The following FAF1 variants were observed in gnomAD, a reference collection of about 807,000 sequenced individuals.
The protein encoded by FAF1 is Fas associated factor 1, also known as FAS-associated factor 1.
In FAF1, 25 loss-of-function variants were observed where a neutral mutation model predicts 92.5. That is an observed-to-expected ratio of 0.27 (90% CI 0.20 to 0.38). The LOEUF is 0.38. Among genes scored for constraint, FAF1 ranks in the 10% least tolerant of loss-of-function variants. The pLI is 1.00. For missense variants in FAF1, 636 were observed against 793.3 expected, an observed-to-expected ratio of 0.80 and a Z score of 2.38; for synonymous variants, 234 against 273.2, an observed-to-expected ratio of 0.86 and a Z score of 1.42.
intron 4 of FAF1, among the ~76,000 whole-genome samples, chr1:50,747,645 G>A (rs892820009): frequency 6.6e-6 from 1 of 152,198 alleles, no homozygotes; most frequent in Non-Finnish European, 1.5e-5. Context: ...GAGAAGGGAT[G>A]ATTGTATTTT....
intron 1 of FAF1, among the ~76,000 whole-genome samples, chr1:50,949,581 G>A (rs765351369): frequency 7.2e-5 from 11 of 152,158 alleles, no homozygotes; most frequent in Non-Finnish European, 1.2e-4. Context: ...GGCTTTGCAG[G>A]ACATGCAGTC....
At chr1:50,709,188 T>C (rs1657813887) in intron 6 of FAF1, among the ~76,000 whole-genome samples, 1 of 152,168 alleles carries the variant, frequency 6.6e-6, no homozygotes. Flanking sequence ...ATTGTTCTCA[T>C]CCTCCTTTCC....
chr1:50,514,908 C>T (rs138936490), intron 15 of FAF1, among the ~76,000 whole-genome samples: 1 of 152,278 alleles, frequency 6.6e-6, no homozygotes, highest in Non-Finnish European at 1.5e-5. Flanking sequence ...AGGATGGAGC[C>T]TGTACATTTT....
intron 6 of FAF1, among the ~76,000 whole-genome samples, chr1:50,726,735 A>G (rs1351253868): frequency 1.3e-5 from 2 of 152,174 alleles, no homozygotes; most frequent in Admixed American, 6.5e-5. Context: ...AGGCTAAGGC[A>G]GGAGAATGGC....
At chr1:50,819,730 C>CGTATATATATACGTATATATATATACGT (rs1440286626) in intron 2 of FAF1, among the ~76,000 whole-genome samples, 1 of 35,886 alleles carries the variant, frequency 2.8e-5, no homozygotes, top group Non-Finnish European at 4.7e-5. Flanking sequence ...TATATATATA[C>CGTATATATATACGTATATATATATACGT]ATATATATAC....
intron 18 of FAF1, among the ~76,000 whole-genome samples, chr1:50,460,183 A>G (rs1646408133): frequency 6.6e-6 from 1 of 152,326 alleles, no homozygotes; most frequent in Admixed American, 6.5e-5. Context: ...CTGACCTCAT[A>G]GCCTAAATTC....
At chr1:50,729,058 A>ATATTTTTTT (rs1375923156) in intron 6 of FAF1, among the ~76,000 whole-genome samples, 2 of 70,120 alleles carry the variant, frequency 2.9e-5, no homozygotes, top group African/African-American at 1.2e-4. Context: ...ATATATATAT[A>ATATTTTTTT]TTTTTTTTTT....
intron 14 of FAF1, among the ~76,000 whole-genome samples, chr1:50,539,230 A>C (rs1648642768): frequency 6.6e-6 from 1 of 152,210 alleles, no homozygotes; most frequent in South Asian, 2.1e-4. Flanking sequence ...TAGATAACTA[A>C]AGATAAGTAC....
chr1:50,494,609 AG>A (rs1646877546), intron 15 of FAF1, among the ~76,000 whole-genome samples: 1 of 152,212 alleles, frequency 6.6e-6, no homozygotes, highest in South Asian at 2.1e-4. Flanking sequence ...TAGCCCCAGT[AG>A]GCAGCTTTCT....
chr1:50,879,405 T>G (rs1442488680), intron 1 of FAF1, among the ~76,000 whole-genome samples: 1 of 152,116 alleles, frequency 6.6e-6, no homozygotes, highest in Non-Finnish European at 1.5e-5. Context: ...TTCCCTATAC[T>G]CAGAAATTCA....
At chr1:50,704,540 G>A (rs993563057) in intron 7 of FAF1, among the ~76,000 whole-genome samples, 1 of 151,988 alleles carries the variant, frequency 6.6e-6, no homozygotes, top group Non-Finnish European at 1.5e-5. Flanking sequence ...ACTCGGAGAT[G>A]GAGCCACGGC....
At chr1:50,789,061 G>A (rs886682062) in intron 3 of FAF1, among the ~76,000 whole-genome samples, 3 of 151,946 alleles carry the variant, frequency 2.0e-5, no homozygotes, top group Non-Finnish European at 4.4e-5. Context: ...TCTTCAACTC[G>A]TGGCCTCAAG....
intron 1 of FAF1, among the ~76,000 whole-genome samples, chr1:50,900,605 G>GA (rs1458742161): frequency 1.3e-5 from 2 of 152,042 alleles, no homozygotes; most frequent in Admixed American, 6.6e-5. Context: ...TATCTACAGA[G>GA]AAAAATAATA....
intron 1 of FAF1, among the ~76,000 whole-genome samples, chr1:50,867,146 G>C (rs1050457825): frequency 6.6e-6 from 1 of 152,162 alleles, no homozygotes; most frequent in Middle Eastern, 3.2e-3. Context: ...GCAGAAGAAT[G>C]AAACTGGATC....
At chr1:50,574,033 G>T (rs1488852507) in intron 12 of FAF1, among the ~76,000 whole-genome samples, 1 of 152,098 alleles carries the variant, frequency 6.6e-6, no homozygotes, top group Non-Finnish European at 1.5e-5. Flanking sequence ...GGAGGCTGAG[G>T]TAGAATTGCT....
chr1:50,503,991 C>G (rs922360692), intron 15 of FAF1, among the ~76,000 whole-genome samples: 1 of 152,112 alleles, frequency 6.6e-6, no homozygotes, highest in Non-Finnish European at 1.5e-5. Flanking sequence ...ATACATATGT[C>G]AAAACTTGTC....
chr1:50,641,875 T>A (rs891936783), intron 8 of FAF1, among the ~76,000 whole-genome samples: 1 of 152,182 alleles, frequency 6.6e-6, no homozygotes, highest in Admixed American at 6.5e-5. Flanking sequence ...GACCTTTTAA[T>A]TATTACAGAA....
chr1:50,544,269 G>A (rs1470387640), intron 13 of FAF1, among the ~76,000 whole-genome samples: 4 of 152,166 alleles, frequency 2.6e-5, no homozygotes, highest in East Asian at 1.9e-4. Context: ...ATATGACTAA[G>A]CTAGGGGAAA....
chr1:50,574,910 T>G lies in FAF1; in HGVS notation c.1114-7679A>C, dbSNP rs1417667399. On this transcript the variant is annotated intron_variant, in intron 12 of 18. Coordinates refer to ENST00000396153, the MANE Select transcript of FAF1 (RefSeq NM_007051.3). ...AGTTGTATTAACTCTTTTTTTTTTT[T>G]TTTTTTTTTTTTTTTTGAGACAGGG... is the stretch of plus-strand genomic sequence containing the variant. 1.3e-3 allele frequency among the ~76,000 whole-genome samples: 170 copies of G among 131,692 alleles called. 2 individuals carry two copies. The highest frequency in any genetic ancestry group is 4.8e-3 in the African/African-American group (165 of 34,260). The allele number at this position is 131,692 out of a possible 152,430, so 86.4% of individuals were successfully genotyped here.
Sources: allele counts gnomAD v4.1 joint callset (sites outside exome capture counted in the v4.1 genomes callset), GRCh38; gene constraint gnomAD v4.1.1; transcripts MANE v1.5; gene names NCBI Gene and HGNC (gene_info 2026-07-23, HGNC 2026-07-21).